ABCC1: variants seen among roughly 807,000 people sequenced by gnomAD.
ABCC1 encodes ATP binding cassette subfamily C member 1 (ABCC1 blood group).
A neutral mutation model predicts 172.9 loss-of-function variants in ABCC1; 83 were observed. That is an observed-to-expected ratio of 0.48 (90% CI 0.40 to 0.58). The LOEUF is 0.58. Among genes scored for constraint, ABCC1 ranks in the 20% least tolerant of loss-of-function variants. The pLI, the probability that ABCC1 is intolerant of heterozygous loss-of-function variation, is 0.00. For synonymous variants in ABCC1, 937 were observed against 825.2 expected (o/e 1.14, Z -2.32); for missense variants, 1,817 against 2,002.7 (o/e 0.91, Z 1.77).
In ABCC1 at chr16:16,111,540, A is replaced by C; in HGVS notation, c.3037A>C (p.Lys1013Gln). ...CGTCAACGGGACTCAGGAGCACACG[A>C]AAGTCCGGCTGAGCGTCTATGGAGC... ...PIVNGTQEHTKVRLSVYGALG... is the reference protein window; with the variant it reads ...PIVNGTQEHTQVRLSVYGALG... Residue 1013 changes from lysine (K) to glutamine (Q), a missense_variant, in exon 22 of 31, where the codon AAA becomes CAA. Physicochemically the swap from Lys to Gln is moderately conservative, Grantham distance 53. This residue lies in a region of ABCC1 where 1,412 missense variants were observed against 1,600.3 expected (regional missense o/e 0.88). Coordinates refer to ENST00000399410, the MANE Select transcript of ABCC1 (RefSeq NM_004996.4). The C allele has an allele frequency of 6.2e-7, 1 of 1,614,048 alleles. No homozygotes were observed. The highest frequency in any genetic ancestry group is 8.5e-7 in the Non-Finnish European group (1 of 1,180,020).
At chr16:15,971,007 G>C (rs2046356956) in intron 1 of ABCC1, among the ~76,000 whole-genome samples, 1 of 152,134 alleles carries the variant, frequency 6.6e-6, no homozygotes, top group Non-Finnish European at 1.5e-5. Context: ...GTAAGAGTTT[G>C]TTTGTTTATT....
rs869030931 is a variant in ABCC1 at position 16,129,529 on chromosome 16, G to GT, written c.3820-2251dup. 1.8e-3 allele frequency among the ~76,000 whole-genome samples: 267 copies of GT among 144,924 alleles called. 3 individuals are homozygous for GT. In the South Asian group the frequency reaches 0.029, roughly 16 times the overall value. ...TTTTGTTGTTGGCGGTGGTGGTGGG[G>GT]TTTTTTTTTGTTTTTTTTTTTTTGA... On this transcript the variant is annotated intron_variant, in intron 26 of 30. Coordinates refer to ENST00000399410, the MANE Select transcript of ABCC1 (RefSeq NM_004996.4).
At chr16:16,070,336 C>G (rs776288265) in intron 13 of ABCC1, among the ~76,000 whole-genome samples, 1 of 151,796 alleles carries the variant, frequency 6.6e-6, no homozygotes, top group Non-Finnish European at 1.5e-5. Context: ...CCACTGCACT[C>G]CAGCCTGGGC....
chr16:15,952,539 T>C (rs2045896309), intron 1 of ABCC1, among the ~76,000 whole-genome samples: 1 of 151,722 alleles, frequency 6.6e-6, no homozygotes, highest in Non-Finnish European at 1.5e-5. Flanking sequence ...AGACAGATGC[T>C]CTGGGAAGAG....
Position 16,141,464 on chromosome 16 carries a change from C to A in ABCC1, c.*183C>A. The A allele has an allele frequency of 1.7e-6, 1 of 604,420 alleles. No homozygotes were observed. The highest frequency in any genetic ancestry group is 2.9e-6 in the Non-Finnish European group (1 of 342,950). 37.4% of individuals were successfully genotyped at this position (604,420 alleles called of 1,614,324 possible). A position where few individuals can be genotyped will look rare whatever the true frequency, so the allele number is the denominator to read the frequency against. On this transcript the variant is annotated 3_prime_UTR_variant, in exon 31 of 31. Coordinates refer to ENST00000399410, the MANE Select transcript of ABCC1 (RefSeq NM_004996.4). ...CATCCGGTCCCCTGCCTGGAACTGG[C>A]TGTGAAGACCCAGGAGAGACAGAGA... is the stretch of plus-strand genomic sequence containing the variant.
In ABCC1 at chr16:16,053,720, G is replaced by A. The variant is rs193248728; in HGVS notation, c.1473+904G>A. ...GAGGATCACCTGAACCCAGGAGGTC[G>A]AAGCTGTAGTGAGCCATGATTGTGC... On this transcript the variant is annotated intron_variant, in intron 11 of 30. Coordinates refer to ENST00000399410, the MANE Select transcript of ABCC1 (RefSeq NM_004996.4). 2.4e-3 allele frequency among the ~76,000 whole-genome samples: 299 copies of A among 124,134 alleles called. 1 individual carries two copies. Among genetic ancestry groups the A allele is most frequent in the African/African-American group, 8.5e-3 (290 of 33,998 alleles). 81.4% of individuals were successfully genotyped at this position (124,134 alleles called of 152,430 possible). A position where few individuals can be genotyped will look rare whatever the true frequency, so the allele number is the denominator to read the frequency against.
intron 1 of ABCC1, among the ~76,000 whole-genome samples, chr16:15,969,915 C>T (rs2046329140): frequency 6.6e-6 from 1 of 152,118 alleles, no homozygotes; most frequent in Non-Finnish European, 1.5e-5. Context: ...GTATACAGAG[C>T]ATGGTTCCCT....
intron 27 of ABCC1, among the ~76,000 whole-genome samples, chr16:16,132,719 G>A (rs1323110251): frequency 5.3e-5 from 8 of 150,044 alleles, no homozygotes; most frequent in Non-Finnish European, 1.0e-4. Flanking sequence ...ATGGGGTTTT[G>A]CCATGTTGGC....
intron 1 of ABCC1, among the ~76,000 whole-genome samples, chr16:15,968,979 G>A (rs2046308596): frequency 6.6e-6 from 1 of 151,888 alleles, no homozygotes; most frequent in Non-Finnish European, 1.5e-5. Flanking sequence ...AGGCCGAGGT[G>A]GGCAGATCAC....
At chr16:15,991,302 T>C (rs1008921678) in intron 1 of ABCC1, among the ~76,000 whole-genome samples, 3 of 152,018 alleles carry the variant, frequency 2.0e-5, no homozygotes, top group Non-Finnish European at 4.4e-5. Flanking sequence ...TGCGGGGGGC[T>C]ATGGGTATGT....
chr16:16,129,387 G>A (rs1214810096), intron 26 of ABCC1, among the ~76,000 whole-genome samples: 1 of 152,016 alleles, frequency 6.6e-6, no homozygotes, highest in Non-Finnish European at 1.5e-5. Flanking sequence ...GGTGGCTCAC[G>A]CCTGTAATCC....
In ABCC1 at chr16:16,102,634, G is replaced by A. The variant is rs754421259; in HGVS notation, c.2652G>A (p.Thr884=). The part of the protein sequence containing the change: ...QEQDAEENGV[T]GVSGPGKEAK... ...TTGTCTCTCTTCTGCCAGGGGTCACGGGCGTCAGCGGTCCAGGGAAGGAAG... is the reference window on the plus strand; with the variant it reads ...TTGTCTCTCTTCTGCCAGGGGTCACAGGCGTCAGCGGTCCAGGGAAGGAAG... The change falls in exon 20 of 31, where the codon ACG becomes ACA. Residue 884 remains threonine (T), a synonymous_variant. Transcript: ENST00000399410. The A allele has an allele frequency of 1.1e-5, 17 of 1,580,648 alleles. No homozygotes were observed. Among genetic ancestry groups the A allele is most frequent in the African/African-American group, 5.4e-5 (4 of 74,470 alleles).
At chr16:16,139,160 A>C (rs1239132067) in intron 30 of ABCC1, among the ~76,000 whole-genome samples, 1 of 152,336 alleles carries the variant, frequency 6.6e-6, no homozygotes, top group South Asian at 2.1e-4. Flanking sequence ...CAAAAAATAT[A>C]CAGAGCAATA....
At chr16:15,980,660 T>A (rs2046601503) in intron 1 of ABCC1, among the ~76,000 whole-genome samples, 1 of 152,138 alleles carries the variant, frequency 6.6e-6, no homozygotes, top group South Asian at 2.1e-4. Context: ...TTATGAGAAC[T>A]ACAATTCAAG....
intron 3 of ABCC1, among the ~76,000 whole-genome samples, 200 bp from the exon 4 acceptor site, chr16:16,014,291 C>G (rs564259633): frequency 1.3e-5 from 2 of 152,140 alleles, no homozygotes; most frequent in Non-Finnish European, 2.9e-5. Context: ...ACTAAAAATA[C>G]AAAAATTAGC....
In ABCC1 at chr16:16,134,465, T is replaced by G; in HGVS notation, c.4082T>G (p.Ile1361Ser). 1 of 1,614,066 alleles carries G rather than the reference T, an allele frequency of 6.2e-7. No individual in the cohort carries two copies. The highest frequency in any genetic ancestry group is 1.1e-5 in the South Asian group (1 of 91,072). The change falls in exon 28 of 31, where the codon ATC becomes AGC. Residue 1361 changes from isoleucine (I) to serine (S), a missense_variant. By Grantham distance (142) the Ile-to-Ser change is moderately radical. Coordinates refer to ENST00000399410, the MANE Select transcript of ABCC1 (RefSeq NM_004996.4). ...IIIDGINIAK[I>S]GLHDLRFKIT... The stretch of plus-strand genomic sequence containing the variant: ...ATCGATGGCATCAACATCGCCAAGA[T>G]CGGCCTGCACGACCTCCGCTTCAAG...
intron 1 of ABCC1, among the ~76,000 whole-genome samples, chr16:16,005,434 G>A (rs1008805474): frequency 6.6e-6 from 1 of 150,408 alleles, no homozygotes; most frequent in Non-Finnish European, 1.5e-5. Flanking sequence ...TGCAACCTCC[G>A]CCTCCTGGGT....
At chr16:15,972,984 G>C (rs181189221) in intron 1 of ABCC1, among the ~76,000 whole-genome samples, 4 of 151,334 alleles carry the variant, frequency 2.6e-5, no homozygotes. Context: ...TTGTAGAGAT[G>C]GGGTCTCACC....
At chr16:16,041,832 C>A (rs754562431) in intron 7 of ABCC1, among the ~76,000 whole-genome samples, 3 of 152,082 alleles carry the variant, frequency 2.0e-5, no homozygotes, top group Non-Finnish European at 2.9e-5. Context: ...CATGGTGGCT[C>A]ATGCCTGTAA....
Sources: gnomAD v4.1 joint callset for allele counts (sites outside exome capture counted in the v4.1 genomes callset) on GRCh38, gnomAD v4.1.1 for gene constraint, gnomAD v4.1.1 regional missense constraint, MANE v1.5 for transcripts, NCBI Gene and HGNC (gene_info 2026-07-23, HGNC 2026-07-21) for gene names.